Variants in ZMYM2 observed in about 807,000 individuals in gnomAD.
ZMYM2 encodes zinc finger MYM-type containing 2.
In ZMYM2, 56 loss-of-function variants were observed where a neutral mutation model predicts 162.8. The ratio of observed to expected loss-of-function variants is 0.34; its 90% CI spans 0.28 to 0.43. The LOEUF (loss-of-function observed/expected upper bound fraction) is 0.43. Ranked by LOEUF, ZMYM2 falls within the 20% of genes least tolerant of loss-of-function variation. The pLI is 1.00. For synonymous variants in ZMYM2, 510 were observed against 541.6 expected, an observed-to-expected ratio of 0.94 and a Z score of 0.81; for missense variants, 1,275 against 1,621.8, an observed-to-expected ratio of 0.79 and a Z score of 3.67.
Position 19,993,079 on chromosome 13 carries a change from A to AC in ZMYM2, c.8dup (p.Ser4LysfsTer10). The AC allele has an allele frequency of 1.3e-6, 2 of 1,598,604 alleles. No homozygotes were observed. Among genetic ancestry groups the AC allele is most frequent in the African/African-American group, 2.7e-5 (2 of 74,214 alleles). Reference sequence around the variant, plus strand: ...TCCTAACAGGTTCTTTGGCATGGACACAAGTTCAGTGGGAGGATTAGAATT... The same window carrying AC: ...TCCTAACAGGTTCTTTGGCATGGACACCAAGTTCAGTGGGAGGATTAGAATT... On this transcript the variant is annotated frameshift_variant, in exon 3 of 25. Coordinates refer to ENST00000610343, the MANE Select transcript of ZMYM2 (RefSeq NM_197968.4). LOFTEE classifies it high-confidence loss of function.
chr13:19,987,637 G>GTGTA (rs1949279993), intron 2 of ZMYM2, among the ~76,000 whole-genome samples: 1 of 149,710 alleles, frequency 6.7e-6, no homozygotes, highest in Admixed American at 6.7e-5. Context: ...GTGTGTGTGT[G>GTGTA]TGTGTGTGTG....
chr13:20,042,341 C>T (rs1479769191), intron 12 of ZMYM2, among the ~76,000 whole-genome samples: 1 of 152,068 alleles, frequency 6.6e-6, no homozygotes, highest in Non-Finnish European at 1.5e-5. Context: ...TCCGCTTGGT[C>T]TATTTTGCTA....
chr13:20,084,669 C>T (rs1958134807), intron 24 of ZMYM2, among the ~76,000 whole-genome samples: 1 of 151,918 alleles, frequency 6.6e-6, no homozygotes. Flanking sequence ...TTTTTTTTCC[C>T]CTCAATCTCA....
At chr13:19,905,776 G>A in the ZMYM2 span, among the ~76,000 whole-genome samples, 4 of 152,120 alleles carry the variant, frequency 2.6e-5, no homozygotes, top group Admixed American at 2.6e-4. Context: ...GTCCTTTTGG[G>A]ACTGTGAGTA....
At chr13:19,948,561 A>G in the ZMYM2 span, among the ~76,000 whole-genome samples, 4 of 152,244 alleles carry the variant, frequency 2.6e-5, 1 homozygote, top group Non-Finnish European at 5.9e-5. Flanking sequence ...TGGCAAAATC[A>G]TGGAGACAGC....
the ZMYM2 span, among the ~76,000 whole-genome samples, chr13:19,935,326 G>A: frequency 1.3e-5 from 2 of 150,908 alleles, no homozygotes; most frequent in African/African-American, 4.9e-5. Flanking sequence ...AATAGAGACA[G>A]GGGTCTCACC....
chr13:19,997,721 A>C (rs977104146), intron 3 of ZMYM2, among the ~76,000 whole-genome samples: 13 of 152,180 alleles, frequency 8.5e-5, no homozygotes, highest in Admixed American at 7.2e-4. Flanking sequence ...ATATAAAGAA[A>C]ATAATGTTGT....
intron 16 of ZMYM2, among the ~76,000 whole-genome samples, chr13:20,059,885 T>C (rs922237493): frequency 2.6e-5 from 4 of 152,018 alleles, no homozygotes; most frequent in Non-Finnish European, 4.4e-5. Flanking sequence ...AATGTAAAAA[T>C]TAGCCAGGCA....
chr13:19,949,927 G>A, the ZMYM2 span, among the ~76,000 whole-genome samples: 3 of 4,910 alleles, frequency 6.1e-4, no homozygotes, highest in Non-Finnish European at 0.013. Context: ...AGGAAGGAGC[G>A]AGAGAGAAAA....
chr13:20,058,699 A>G lies in ZMYM2; in HGVS notation c.2618A>G (p.Gln873Arg). 1.9e-6 allele frequency: 3 copies of G among 1,613,472 alleles called. No individual in the cohort carries two copies. Among genetic ancestry groups the G allele is most frequent in the Non-Finnish European group, 2.5e-6 (3 of 1,179,654 alleles). Reference protein sequence around the residue: ...CKPHMQTKSCQTDDTWRTEYV... With the variant: ...CKPHMQTKSCRTDDTWRTEYV... ...CCTCACATGCAGACCAAATCTTGTC[A>G]GACAGGTAACTTAGGACAATGTGAC... Residue 873 changes from glutamine (Q) to arginine (R), a missense_variant, in exon 15 of 25, where the codon CAG becomes CGG. Physicochemically the swap from Gln to Arg is conservative, Grantham distance 43. Around this residue, in one of 10 missense-constraint regions of ZMYM2, gnomAD observed 177 missense variants for 228.0 expected, o/e 0.78. Transcript: ENST00000610343.
At position 20,088,731 on chromosome 13, in the gene ZMYM2, A is replaced by G. The variant is rs1958404912; in HGVS notation, c.*2717A>G. On this transcript the variant is annotated 3_prime_UTR_variant, in exon 25 of 25. Transcript: ENST00000610343. ...AAACATTGAAGTAGGAGGAGGATGCATATTGTACTATGCATTCAAATTTAT... is the reference window on the plus strand; with the variant it reads ...AAACATTGAAGTAGGAGGAGGATGCGTATTGTACTATGCATTCAAATTTAT... 1.0e-5 allele frequency: 2 copies of G among 195,448 alleles called. No homozygotes were observed. Among genetic ancestry groups the G allele is most frequent in the Non-Finnish European group, 2.1e-5 (2 of 93,982 alleles). The allele number at this position is 195,448 out of a possible 1,614,324, so 12.1% of individuals were successfully genotyped here.
At chr13:19,966,819 A>G (rs1238510397) in intron 2 of ZMYM2, among the ~76,000 whole-genome samples, 1 of 152,220 alleles carries the variant, frequency 6.6e-6, no homozygotes, top group East Asian at 1.9e-4. Context: ...AAATTTAACA[A>G]GTTTTAGCTT....
intron 2 of ZMYM2, chr13:19,965,185 A>G (rs1262294376): frequency 2.5e-6 from 3 of 1,210,596 alleles, no homozygotes; most frequent in South Asian, 1.4e-5. Context: ...AAATGTGACT[A>G]TAATACAGTG....
chr13:20,040,452 C>T (rs563332517), intron 12 of ZMYM2, among the ~76,000 whole-genome samples: 29 of 151,892 alleles, frequency 1.9e-4, no homozygotes, highest in African/African-American at 7.0e-4. Context: ...TTTATTGTTT[C>T]TAATTGTGTT....
the ZMYM2 span, among the ~76,000 whole-genome samples, chr13:19,883,220 T>TA: frequency 6.6e-6 from 1 of 152,086 alleles, no homozygotes; most frequent in Non-Finnish European, 1.5e-5. Context: ...AGGAACCAGA[T>TA]AGGTGGTTTC....
chr13:19,915,120 C>T, the ZMYM2 span, among the ~76,000 whole-genome samples: 1 of 152,164 alleles, frequency 6.6e-6, no homozygotes, highest in African/African-American at 2.4e-5. Flanking sequence ...TGCCACCATA[C>T]CTGGCTAATT....
intron 2 of ZMYM2, among the ~76,000 whole-genome samples, chr13:19,988,062 T>G (rs990662820): frequency 6.6e-6 from 1 of 152,238 alleles, no homozygotes; most frequent in Non-Finnish European, 1.5e-5. Flanking sequence ...GTTTGAATCC[T>G]TTACTGTCTT....
At chr13:19,968,094 A>G (rs1023164560) in intron 2 of ZMYM2, among the ~76,000 whole-genome samples, 1 of 152,210 alleles carries the variant, frequency 6.6e-6, no homozygotes, top group East Asian at 1.9e-4. Flanking sequence ...TGTCAACACT[A>G]TAACAAATCT....
At chr13:19,889,475 A>G in the ZMYM2 span, among the ~76,000 whole-genome samples, 1 of 151,838 alleles carries the variant, frequency 6.6e-6, no homozygotes, top group African/African-American at 2.4e-5. Flanking sequence ...TCCCGCCACC[A>G]CACCTGGCTA....
Sources: allele counts gnomAD v4.1 joint callset (sites outside exome capture counted in the v4.1 genomes callset), GRCh38; gene constraint gnomAD v4.1.1; regional missense constraint gnomAD v4.1.1; transcripts MANE v1.5; gene names NCBI Gene and HGNC (gene_info 2026-07-23, HGNC 2026-07-21).